The following PLEKHG3 variants were observed in gnomAD, a reference collection of about 807,000 sequenced individuals.
PLEKHG3 encodes pleckstrin homology domain-containing family G member 3.
In PLEKHG3, 62 loss-of-function variants were observed where a neutral mutation model predicts 94.9. The observed-to-expected ratio is 0.65, with a 90% CI of 0.53 to 0.81. The LOEUF (loss-of-function observed/expected upper bound fraction) is 0.81, where lower values mean the gene tolerates loss of function less well. Ranked by LOEUF, PLEKHG3 falls within the 30% of genes least tolerant of loss-of-function variation. The pLI, the probability that PLEKHG3 is intolerant of heterozygous loss-of-function variation, is 0.00. For synonymous variants in PLEKHG3, 614 were observed against 654.0 expected (o/e 0.94, Z 0.93); for missense variants, 1,461 against 1,619.3 (o/e 0.90, Z 1.68).
chr14:64,741,654 G>T lies in PLEKHG3; in HGVS notation c.2137G>T (p.Asp713Tyr). 6.2e-7 allele frequency: 1 copy of T among 1,612,994 alleles called. No individual in the cohort carries two copies. Among genetic ancestry groups the T allele is most frequent in the Non-Finnish European group, 8.5e-7 (1 of 1,180,034 alleles). ...GAAGGAATCAGCACTCTCCACCCGA[G>T]ACCGGCTGTTGCTAGACAAGATTAA... ...KKKESALSTR[D>Y]RLLLDKIKSY... Residue 713 changes from aspartate (D) to tyrosine (Y), a missense_variant, in exon 16 of 17, where the codon GAC (aspartate) becomes TAC (tyrosine). By Grantham distance (160) the Asp-to-Tyr change is radical. Coordinates refer to ENST00000247226, the MANE Select transcript of PLEKHG3 (RefSeq NM_001308147.2).
chr14:64,719,360 C>T (rs1408030402), intron 1 of PLEKHG3, among the ~76,000 whole-genome samples: 1 of 152,108 alleles, frequency 6.6e-6, no homozygotes, highest in East Asian at 1.9e-4. Flanking sequence ...CCACCATTCT[C>T]GGTGGGCTTA....
chr14:64,728,480 C>T lies in PLEKHG3; in HGVS notation c.351+498C>T, dbSNP rs1998119. Reference sequence around the variant, plus strand: ...TCCTAGGGCTGCCTTAACAAATGACCACACACTGGGTGGCTTAAAACAGCA... The same window carrying T: ...TCCTAGGGCTGCCTTAACAAATGACTACACACTGGGTGGCTTAAAACAGCA... On this transcript the variant is annotated intron_variant, in intron 2 of 16. Transcript: ENST00000247226. This position sits in a 1 kb window ranked among gnomAD's most constrained non-coding sequence, Gnocchi z 5.9. Among the ~76,000 whole-genome samples, 1,889 of 152,360 alleles carry T rather than the reference C, an allele frequency of 0.012. 44 individuals carry two copies. Among genetic ancestry groups the T allele is most frequent in the African/African-American group, 0.043 (1,802 of 41,574 alleles).
chr14:64,708,218 A>C lies in PLEKHG3; in HGVS notation c.-40+3514A>C, dbSNP rs939151161. On this transcript the variant is annotated intron_variant, in intron 1 of 16. Coordinates refer to ENST00000247226, the MANE Select transcript of PLEKHG3 (RefSeq NM_001308147.2). ...TGTCCTATGCCCACCCCCATCCTAC[A>C]GATAGGATGACAGGGGCAGCCCTGA... Among the ~76,000 whole-genome samples the C allele has an allele frequency of 4.6e-5, 7 of 152,280 alleles. No individual in the cohort carries two copies. In the East Asian group the frequency reaches 1.4e-3, roughly 29 times the overall value.
chr14:64,732,626 G>T lies in PLEKHG3; in HGVS notation c.1246+166G>T, dbSNP rs1160365095. Among the ~76,000 whole-genome samples, 808 of 152,272 alleles carry T rather than the reference G, an allele frequency of 5.3e-3. 9 individuals carry two copies. Among genetic ancestry groups the T allele is most frequent in the African/African-American group, 0.019 (772 of 41,548 alleles). Reference sequence around the variant, plus strand: ...ACTACATGATTAAGGATGCTCTCCTGCTGAGCGGTGGGACTCTCAGTGCCT... The same window carrying T: ...ACTACATGATTAAGGATGCTCTCCTTCTGAGCGGTGGGACTCTCAGTGCCT... On this transcript the variant is annotated intron_variant, in intron 11 of 16. Coordinates refer to ENST00000247226, the MANE Select transcript of PLEKHG3 (RefSeq NM_001308147.2). The surrounding 1 kb of genome is among the most constrained non-coding windows in gnomAD (Gnocchi z 4.9).
Position 64,727,497 on chromosome 14 carries a change from T to TTCC in PLEKHG3, c.-39-96_-39-95insTCC. ...ACTCTGGATGCACTAAATAATACCT[T>TTCC]CCCACCCCACCTGCCCCCACCCCTG... On this transcript the variant is annotated intron_variant, in intron 1 of 16. Transcript: ENST00000247226. The surrounding 1 kb of genome is among the most constrained non-coding windows in gnomAD (Gnocchi z 6.0). 3 of 560,816 alleles carry TTCC rather than the reference T, an allele frequency of 5.3e-6. No individual in the cohort carries two copies. The highest frequency in any genetic ancestry group is 9.7e-6 in the Non-Finnish European group (3 of 309,408). The allele number at this position is 560,816 out of a possible 1,614,324, so 34.7% of individuals were successfully genotyped here. A position where few individuals can be genotyped will look rare whatever the true frequency, so the allele number is the denominator to read the frequency against.
At position 64,730,452 on chromosome 14, in the gene PLEKHG3, G is replaced by T; in HGVS notation, c.519+140G>T. 1 of 741,960 alleles carries T rather than the reference G, an allele frequency of 1.3e-6. No homozygotes were observed. Among genetic ancestry groups the T allele is most frequent in the South Asian group, 1.6e-5 (1 of 61,494 alleles). The allele number at this position is 741,960 out of a possible 1,614,324, so 46.0% of individuals were successfully genotyped here. On this transcript the variant is annotated intron_variant, in intron 4 of 16. Transcript: ENST00000247226. The surrounding 1 kb of genome is among the most constrained non-coding windows in gnomAD (Gnocchi z 5.4). ...TGGGTGCTCTATCTTGAATGAGAAG[G>T]GTGTTCTGAGGGGAGCCAGGGCTGC...
chr14:64,725,219 T>C lies in PLEKHG3; in HGVS notation c.-39-2374T>C, dbSNP rs571949119. Among the ~76,000 whole-genome samples, 26 of 152,102 alleles carry C rather than the reference T, an allele frequency of 1.7e-4. No individual in the cohort carries two copies. Among genetic ancestry groups the C allele is most frequent in the Admixed American group, 2.6e-4 (4 of 15,266 alleles). Reference sequence around the variant, plus strand: ...GTTGGGGTAGGGGTGGGGCTGTGAGTAATCTTTTGCTTTAAGACTGTGAAC... The same window carrying C: ...GTTGGGGTAGGGGTGGGGCTGTGAGCAATCTTTTGCTTTAAGACTGTGAAC... On this transcript the variant is annotated intron_variant, in intron 1 of 16. Transcript: ENST00000247226. The surrounding 1 kb of genome is among the most constrained non-coding windows in gnomAD (Gnocchi z 5.0).
chr14:64,743,508 C>T lies in PLEKHG3; in HGVS notation c.3465C>T (p.Pro1155=), dbSNP rs1454861208. 18 of 1,612,924 alleles carry T rather than the reference C, an allele frequency of 1.1e-5. No individual in the cohort carries two copies. The highest frequency in any genetic ancestry group is 1.4e-5 in the Non-Finnish European group (17 of 1,179,908). Reference sequence around the variant, plus strand: ...TGGAGAAGGGACCCCTTCCCAGCCCCACTGCAGGGCTGGAGGAGAGCAGTG... The same window carrying T: ...TGGAGAAGGGACCCCTTCCCAGCCCTACTGCAGGGCTGGAGGAGAGCAGTG... ...IVMEKGPLPS[P]TAGLEESSGQ... The change falls in exon 17 of 17, where the codon CCC becomes CCT. Residue 1155 remains proline, a synonymous_variant. Coordinates refer to ENST00000247226, the MANE Select transcript of PLEKHG3 (RefSeq NM_001308147.2). The surrounding 1 kb of genome is among the most constrained non-coding windows in gnomAD (Gnocchi z 7.2).
chr14:64,713,120 T>A (rs766729113), intron 1 of PLEKHG3, among the ~76,000 whole-genome samples: 1 of 152,234 alleles, frequency 6.6e-6, no homozygotes, highest in Non-Finnish European at 1.5e-5. Context: ...AATTTTTAGA[T>A]GTTAACCTAA....
intron 1 of PLEKHG3, among the ~76,000 whole-genome samples, chr14:64,710,397 C>T (rs1479215380): frequency 1.3e-5 from 2 of 152,224 alleles, no homozygotes; most frequent in Non-Finnish European, 2.9e-5. Flanking sequence ...AGGCCGGGCG[C>T]AGTGGCTCAT....
In PLEKHG3 at chr14:64,730,776, A is replaced by G. The variant is rs772613188; in HGVS notation, c.567-23A>G. The G allele has an allele frequency of 6.2e-7, 1 of 1,612,390 alleles. No individual in the cohort carries two copies. Among genetic ancestry groups the G allele is most frequent in the Admixed American group, 1.7e-5 (1 of 59,976 alleles). On this transcript the variant is annotated intron_variant, in intron 5 of 16. Transcript: ENST00000247226. This position sits in a 1 kb window ranked among gnomAD's most constrained non-coding sequence, Gnocchi z 5.4. ...TCATCCAGGCCTTCCCCAGGTGGTG[A>G]CTGGCCCTTCTCCCACTCCCAGCTC... is the stretch of plus-strand genomic sequence containing the variant.
chr14:64,749,484 G>C lies in PLEKHG3; in HGVS notation c.*5781G>C. ...GGACAGCATCTCCTCCTGCGGGGCG[G>C]AGGGTCACGGTGGAGTCTGGAGGCC... On this transcript the variant is annotated 3_prime_UTR_variant, in exon 17 of 17. Coordinates refer to ENST00000247226, the MANE Select transcript of PLEKHG3 (RefSeq NM_001308147.2). The surrounding 1 kb of genome is among the most constrained non-coding windows in gnomAD (Gnocchi z 4.7). 6.3e-7 allele frequency: 1 copy of C among 1,598,944 alleles called. No homozygotes were observed. The highest frequency in any genetic ancestry group is 1.7e-4 in the Middle Eastern group (1 of 5,734).
intron 1 of PLEKHG3, among the ~76,000 whole-genome samples, chr14:64,719,100 T>TGTG (rs2081219233): frequency 6.6e-6 from 1 of 152,180 alleles, no homozygotes; most frequent in Non-Finnish European, 1.5e-5. Context: ...TACTTTTCCT[T>TGTG]TCCAGCTGAA....
At position 64,749,820 on chromosome 14, in the gene PLEKHG3, T is replaced by C. The variant is rs2081916359; in HGVS notation, c.*6117T>C. The C allele has an allele frequency of 1.3e-6, 2 of 1,494,764 alleles. No homozygotes were observed. Among genetic ancestry groups the C allele is most frequent in the Non-Finnish European group, 1.8e-6 (2 of 1,086,326 alleles). 92.6% of individuals were successfully genotyped at this position (1,494,764 alleles called of 1,614,324 possible). On this transcript the variant is annotated 3_prime_UTR_variant, in exon 17 of 17. Coordinates refer to ENST00000247226, the MANE Select transcript of PLEKHG3 (RefSeq NM_001308147.2). This position sits in a 1 kb window ranked among gnomAD's most constrained non-coding sequence, Gnocchi z 4.7. ...AGACCCCTCTCAGGCAGCCCAGCAC[T>C]TTCTGAGAGGTCAAAGTCTGGACCA...
Position 64,716,484 on chromosome 14 carries a change from AC to A in PLEKHG3, c.-39-11108del, listed in dbSNP as rs2081157950. Reference sequence around the variant, plus strand: ...CACACACAACACACACACACACAACACACACACACACAACACACACACACAC... The same window carrying A: ...CACACACAACACACACACACACAACAACACACACACAACACACACACACAC... On this transcript the variant is annotated intron_variant, in intron 1 of 16. Coordinates refer to ENST00000247226, the MANE Select transcript of PLEKHG3 (RefSeq NM_001308147.2). The surrounding 1 kb of genome is among the most constrained non-coding windows in gnomAD (Gnocchi z 5.0). Among the ~76,000 whole-genome samples, 2 of 129,108 alleles carry A rather than the reference AC, an allele frequency of 1.5e-5. No individual in the cohort carries two copies. The highest frequency in any genetic ancestry group is 1.6e-4 in the Admixed American group (2 of 12,742). 84.7% of individuals were successfully genotyped at this position (129,108 alleles called of 152,430 possible).
rs1269105784 is a variant in PLEKHG3 at position 64,739,646 on chromosome 14, C to T, written c.1518+791C>T. On this transcript the variant is annotated intron_variant, in intron 15 of 16. Transcript: ENST00000247226. The surrounding 1 kb of genome is among the most constrained non-coding windows in gnomAD (Gnocchi z 4.1). ...ACGTGGGTAGCTTAGTTATTGCTCA[C>T]AGTTTTGGAGGCTGGAAATTCTAAG... 6.6e-6 allele frequency among the ~76,000 whole-genome samples: 1 copy of T among 152,244 alleles called. No individual in the cohort carries two copies. Among genetic ancestry groups the T allele is most frequent in the Non-Finnish European group, 1.5e-5 (1 of 68,044 alleles).
Position 64,741,405 on chromosome 14 carries a change from G to C in PLEKHG3, c.1888G>C (p.Gly630Arg). 1 of 1,613,020 alleles carries C rather than the reference G, an allele frequency of 6.2e-7. No homozygotes were observed. The highest frequency in any genetic ancestry group is 1.6e-4 in the Middle Eastern group (1 of 6,062). Residue 630 changes from glycine to arginine, a missense_variant, in exon 16 of 17, where the codon GGG becomes CGG. Coordinates refer to ENST00000247226, the MANE Select transcript of PLEKHG3 (RefSeq NM_001308147.2). The stretch of plus-strand genomic sequence containing the variant: ...GGAGGACAGCAAGTCCAGTGGCTTT[G>C]GGAGCCCGCGGCTGGTCAGCCGGAG... ...AQEDSKSSGF[G>R]SPRLVSRSSS... is the part of the protein sequence containing the mutation.
chr14:64,736,831 C>G (rs374087644), intron 12 of PLEKHG3, 22 bp from the exon 13 acceptor site: 236 of 1,604,780 alleles, frequency 1.5e-4, no homozygotes, highest in Non-Finnish European at 1.9e-4. Flanking sequence ...CGCGCTGACT[C>G]TGCTCATGCT....
intron 1 of PLEKHG3, among the ~76,000 whole-genome samples, chr14:64,708,499 G>A (rs184259519): frequency 9.2e-5 from 14 of 152,256 alleles, no homozygotes; most frequent in African/African-American, 3.4e-4. Context: ...GGATTCTGGT[G>A]GAGGCTTCGA....
Sources: gnomAD v4.1 joint callset for allele counts (sites outside exome capture counted in the v4.1 genomes callset) on GRCh38, gnomAD v4.1.1 for gene constraint, Gnocchi (gnomAD v3.1) non-coding constraint, MANE v1.5 for transcripts, NCBI Gene and HGNC (gene_info 2026-07-23, HGNC 2026-07-21) for gene names.